NDUFB9: variants seen among roughly 807,000 people sequenced by gnomAD.
NDUFB9 encodes the protein NADH:ubiquinone oxidoreductase subunit B9.
NDUFB9 carries 24 observed loss-of-function variants against 30.2 expected under a neutral mutation model. That is an observed-to-expected ratio of 0.80 (90% CI 0.58 to 1.12). The LOEUF is 1.12. NDUFB9 is among the 50% of genes most tolerant of loss of function. The pLI is 0.00. For missense variants in NDUFB9, 204 were observed against 226.0 expected (o/e 0.90, Z 0.62); for synonymous variants, 80 against 84.0 (o/e 0.95, Z 0.26).
At chr8:124,546,195 C>T (rs776456952) in intron 2 of NDUFB9, among the ~76,000 whole-genome samples, 6 of 152,194 alleles carry the variant, frequency 3.9e-5, no homozygotes, top group Non-Finnish European at 5.9e-5. Context: ...CATCAATTGA[C>T]TTTTCCTTTT....
At chr8:124,541,302 G>A (rs563907074) in intron 1 of NDUFB9, among the ~76,000 whole-genome samples, 36 of 152,048 alleles carry the variant, frequency 2.4e-4, no homozygotes, top group African/African-American at 4.1e-4. Context: ...CCCTGCCTCC[G>A]CTAATGGTAT....
Position 124,544,740 on chromosome 8 carries a change from A to G in NDUFB9, c.294+1461A>G, listed in dbSNP as rs551748256. Among the ~76,000 whole-genome samples, 13 of 152,356 alleles carry G rather than the reference A, an allele frequency of 8.5e-5. No individual in the cohort carries two copies. In the South Asian group the frequency reaches 2.7e-3, roughly 32 times the overall value. ...CTGCTACCATGTCTGCTAACACAAC[A>G]TCCATTCTGCAGCCCATGGATCAAG... On this transcript the variant is annotated intron_variant, in intron 2 of 3. Coordinates refer to ENST00000276689, the MANE Select transcript of NDUFB9 (RefSeq NM_005005.3).
chr8:124,543,783 G>A (rs527432561), intron 2 of NDUFB9, among the ~76,000 whole-genome samples: 5 of 152,250 alleles, frequency 3.3e-5, no homozygotes, highest in African/African-American at 1.2e-4. Context: ...TCTCCTCAGG[G>A]TTCCCTATTC....
intron 3 of NDUFB9, among the ~76,000 whole-genome samples, chr8:124,548,583 T>C (rs1157432312): frequency 3.3e-5 from 5 of 152,154 alleles, no homozygotes; most frequent in Non-Finnish European, 7.3e-5. Context: ...TCCGATTTGC[T>C]CCCATATCTT....
At chr8:124,541,868 C>T (rs1037413291) in intron 1 of NDUFB9, among the ~76,000 whole-genome samples, 3 of 151,532 alleles carry the variant, frequency 2.0e-5, no homozygotes, top group African/African-American at 7.3e-5. Flanking sequence ...TCCCAAAGTG[C>T]TGGGATTACA....
chr8:124,539,755 A>G (rs1156683423), intron 1 of NDUFB9, among the ~76,000 whole-genome samples: 2 of 152,134 alleles, frequency 1.3e-5, no homozygotes. Flanking sequence ...ACAGCTGGTA[A>G]CTTGCGCAAG....
At chr8:124,547,334 T>G in intron 3 of NDUFB9, 1 of 637,568 alleles carries the variant, frequency 1.6e-6, no homozygotes, top group Non-Finnish European at 2.8e-6. Flanking sequence ...TTGATTTTGC[T>G]TCAGATCTCC....
intron 3 of NDUFB9, among the ~76,000 whole-genome samples, chr8:124,549,449 G>A (rs535867352): frequency 1.6e-4 from 25 of 152,172 alleles, no homozygotes; most frequent in African/African-American, 4.6e-4. Flanking sequence ...TGGAATGATA[G>A]TTGTCATTTT....
intron 3 of NDUFB9, 155 bp downstream of exon 3, chr8:124,547,268 T>G (rs751000718): frequency 4.9e-5 from 35 of 712,808 alleles, no homozygotes; most frequent in Non-Finnish European, 8.2e-5. Context: ...ATTTAACATT[T>G]ATAATCACCT....
chr8:124,539,532 A>T, intron 1 of NDUFB9: 1 of 540,046 alleles, frequency 1.9e-6, no homozygotes, highest in South Asian at 2.1e-5. Flanking sequence ...CGGACGCACG[A>T]CCAGCGCAGA....
At chr8:124,543,788 C>A (rs998383354) in intron 2 of NDUFB9, among the ~76,000 whole-genome samples, 1 of 152,212 alleles carries the variant, frequency 6.6e-6, no homozygotes, top group South Asian at 2.1e-4. Context: ...TCAGGGTTCC[C>A]TATTCCCTAA....
intron 3 of NDUFB9, chr8:124,547,354 G>A (rs987666209): frequency 8.1e-6 from 5 of 614,306 alleles, no homozygotes; most frequent in African/African-American, 7.4e-5. Flanking sequence ...CTTCTCTTTA[G>A]TCCTTTGTCT....
chr8:124,544,614 C>G (rs1822110562), intron 2 of NDUFB9, among the ~76,000 whole-genome samples: 1 of 152,110 alleles, frequency 6.6e-6, no homozygotes, highest in South Asian at 2.1e-4. Flanking sequence ...TTATGCTAAA[C>G]CTACTCTGCC....
In NDUFB9 at chr8:124,539,149, C is replaced by G. The variant is rs775963343; in HGVS notation, c.-38C>G. On this transcript the variant is annotated 5_prime_UTR_variant, in exon 1 of 4. Transcript: ENST00000276689. ...GTCACCCGCAGCAGGCGTGCAGTTT[C>G]CCGGCTCTCCGCGCGGCCGGGGAAG... 2 of 1,613,722 alleles carry G rather than the reference C, an allele frequency of 1.2e-6. No individual in the cohort carries two copies. Among genetic ancestry groups the G allele is most frequent in the Middle Eastern group, 1.7e-4 (1 of 6,058 alleles).
chr8:124,549,072 A>C (rs1305384041), intron 3 of NDUFB9, among the ~76,000 whole-genome samples: 1 of 152,236 alleles, frequency 6.6e-6, no homozygotes, highest in Non-Finnish European at 1.5e-5. Flanking sequence ...TCTGCAATTG[A>C]TCACTGGGAT....
At chr8:124,546,888 C>A (rs1822172865) in intron 2 of NDUFB9, 112 bp from the exon 3 acceptor site, 3 of 803,138 alleles carry the variant, frequency 3.7e-6, no homozygotes, top group Admixed American at 1.7e-5. Flanking sequence ...CTGGTAGTTG[C>A]AGTGGTTATA....
In NDUFB9 at chr8:124,549,068, A is replaced by G. The variant is rs112771974; in HGVS notation, c.409-693A>G. The stretch of plus-strand genomic sequence containing the variant: ...TGGTGAGCCGCAGGTGCATTCTGCA[A>G]TTGATCACTGGGATAACATCAAACA... On this transcript the variant is annotated intron_variant, in intron 3 of 3. Coordinates refer to ENST00000276689, the MANE Select transcript of NDUFB9 (RefSeq NM_005005.3). Among the ~76,000 whole-genome samples, 508 of 152,362 alleles carry G rather than the reference A, an allele frequency of 3.3e-3. 1 individual carries two copies. Among genetic ancestry groups the G allele is most frequent in the Non-Finnish European group, 6.0e-3 (411 of 68,032 alleles).
At chr8:124,547,461 TA>T in intron 3 of NDUFB9, 1 of 582,298 alleles carries the variant, frequency 1.7e-6, no homozygotes, top group Admixed American at 3.1e-5. Flanking sequence ...GTTATATTTT[TA>T]AAAGCTCAAT....
chr8:124,539,544 G>C, intron 1 of NDUFB9: 1 of 511,090 alleles, frequency 2.0e-6, no homozygotes, highest in Non-Finnish European at 3.5e-6. Flanking sequence ...CAGCGCAGAG[G>C]GTCGCAGGAA....
Sources: gnomAD v4.1 joint callset for allele counts (sites outside exome capture counted in the v4.1 genomes callset) on GRCh38, gnomAD v4.1.1 for gene constraint, MANE v1.5 for transcripts, NCBI Gene and HGNC (gene_info 2026-07-23, HGNC 2026-07-21) for gene names.